The following ERGIC1 variants were observed in gnomAD, a reference collection of about 807,000 sequenced individuals.
The protein encoded by ERGIC1 is endoplasmic reticulum-Golgi intermediate compartment protein 1.
Under a neutral mutation model 38.3 loss-of-function variants are expected in ERGIC1, and 19 were observed. That is an observed-to-expected ratio of 0.50 (90% confidence interval 0.35 to 0.73). The LOEUF is 0.73. ERGIC1 is among the 30% of genes least tolerant of loss of function. The pLI is 0.01. For synonymous variants in ERGIC1, 124 were observed against 157.6 expected, an observed-to-expected ratio of 0.79 and a Z score of 1.60; for missense variants, 294 against 389.2, an observed-to-expected ratio of 0.76 and a Z score of 2.06.
At chr5:172,850,030 T>C (rs894277137) in intron 1 of ERGIC1, among the ~76,000 whole-genome samples, 4 of 152,178 alleles carry the variant, frequency 2.6e-5, no homozygotes, top group Admixed American at 6.5e-5. Context: ...TGATCTAGTG[T>C]TGGGTGTGTC....
chr5:172,938,161 C>A (rs543197337), intron 9 of ERGIC1, among the ~76,000 whole-genome samples: 2 of 152,216 alleles, frequency 1.3e-5, no homozygotes, highest in East Asian at 3.9e-4. Flanking sequence ...GATTTGTGAG[C>A]AAATGATTTA....
At chr5:172,917,036 G>T (rs1415098012) in intron 5 of ERGIC1, 1 of 152,600 alleles carries the variant, frequency 6.6e-6, no homozygotes, top group Non-Finnish European at 1.5e-5. Flanking sequence ...GCAGGCAGTG[G>T]TTGTGGCAGT....
chr5:172,950,030 G>T (rs1024171083), intron 9 of ERGIC1, among the ~76,000 whole-genome samples: 11 of 152,210 alleles, frequency 7.2e-5, no homozygotes, highest in African/African-American at 2.4e-4. Context: ...CTGAGATCAC[G>T]CCACTGCACT....
chr5:172,947,051 G>A (rs1764137611), intron 9 of ERGIC1, among the ~76,000 whole-genome samples: 1 of 151,920 alleles, frequency 6.6e-6, no homozygotes, highest in East Asian at 1.9e-4. Context: ...GGGCATGGTG[G>A]TGGGCACCTG....
At chr5:172,858,323 A>C (rs1761607763) in intron 1 of ERGIC1, among the ~76,000 whole-genome samples, 1 of 152,172 alleles carries the variant, frequency 6.6e-6, no homozygotes. Flanking sequence ...TGCATAAAAC[A>C]CCGTAAGGAG....
intron 3 of ERGIC1, among the ~76,000 whole-genome samples, chr5:172,897,443 A>AAAGAG (rs780361647): frequency 3.4e-4 from 48 of 142,438 alleles, no homozygotes; most frequent in African/African-American, 4.6e-4. Context: ...AAAAAAAAAA[A>AAAGAG]AGAGAGAGAG....
intron 1 of ERGIC1, among the ~76,000 whole-genome samples, chr5:172,836,869 T>C (rs546664779): frequency 6.6e-6 from 1 of 152,332 alleles, no homozygotes; most frequent in East Asian, 1.9e-4. Flanking sequence ...GAGGGAGTTT[T>C]AATCTTCATT....
At position 172,950,700 on chromosome 5, in the gene ERGIC1, C is replaced by T. The variant is rs200374455; in HGVS notation, c.766-9C>T. 582 of 1,609,252 alleles carry T rather than the reference C, an allele frequency of 3.6e-4. No homozygotes were observed. Among genetic ancestry groups the T allele is most frequent in the Non-Finnish European group, 4.4e-4 (517 of 1,176,334 alleles). ...CTGACACTCCCACCCCACCCCTGCC[C>T]TCTTGCAGATCTGTGCCATCATTGG... On this transcript the variant is annotated splice_polypyrimidine_tract_variant and intron_variant, in intron 9 of 9. Coordinates refer to ENST00000393784, the MANE Select transcript of ERGIC1 (RefSeq NM_001031711.3).
chr5:172,863,478 G>A (rs1360513097), intron 1 of ERGIC1, among the ~76,000 whole-genome samples: 5 of 152,028 alleles, frequency 3.3e-5, no homozygotes, highest in African/African-American at 4.8e-5. Flanking sequence ...CCTTCCTGAC[G>A]GCCAGGAGAC....
At chr5:172,914,573 C>G (rs1477335245) in intron 4 of ERGIC1, 141 bp from the exon 5 acceptor site, 1 of 1,390,694 alleles carries the variant, frequency 7.2e-7, no homozygotes, top group Non-Finnish European at 1.0e-6. Context: ...AGTCTTTGGA[C>G]CCCAGACCAT....
chr5:172,905,443 G>C, intron 3 of ERGIC1: 1 of 468,598 alleles, frequency 2.1e-6, no homozygotes, highest in Non-Finnish European at 4.4e-6. Context: ...TTGGCCTCAC[G>C]GATTCCAAGG....
intron 5 of ERGIC1, chr5:172,922,419 C>A: frequency 6.6e-6 from 1 of 152,596 alleles, no homozygotes; most frequent in Non-Finnish European, 1.5e-5. Context: ...AGGAGGCAGA[C>A]GAGAACAGGA....
At chr5:172,945,452 A>G (rs1259363636) in intron 9 of ERGIC1, among the ~76,000 whole-genome samples, 1 of 152,134 alleles carries the variant, frequency 6.6e-6, no homozygotes, top group Non-Finnish European at 1.5e-5. Context: ...CCAGAGAGAG[A>G]ATGGAAGTTG....
At chr5:172,927,218 A>C (rs1459099726) in intron 7 of ERGIC1, 1 of 152,480 alleles carries the variant, frequency 6.6e-6, no homozygotes, top group Non-Finnish European at 1.5e-5. Context: ...TGTGTGCTCA[A>C]GCAGACCTGC....
chr5:172,948,264 A>G (rs1426086233), intron 9 of ERGIC1, among the ~76,000 whole-genome samples: 1 of 152,240 alleles, frequency 6.6e-6, no homozygotes, highest in Non-Finnish European at 1.5e-5. Flanking sequence ...TGGGCCTCAC[A>G]GGCCCCCGCT....
chr5:172,932,117 C>T (rs1195650722), intron 7 of ERGIC1, among the ~76,000 whole-genome samples: 4 of 152,188 alleles, frequency 2.6e-5, no homozygotes, highest in Admixed American at 1.3e-4. Context: ...CCTCGGCCTC[C>T]CAAAGTGCTG....
At chr5:172,892,674 A>C (rs1762598382) in intron 2 of ERGIC1, among the ~76,000 whole-genome samples, 1 of 152,140 alleles carries the variant, frequency 6.6e-6, no homozygotes. Context: ...AAAAACCTTC[A>C]TCAAGCCTTC....
intron 4 of ERGIC1, among the ~76,000 whole-genome samples, chr5:172,912,553 A>G (rs1329018122): frequency 6.6e-6 from 1 of 151,698 alleles, no homozygotes; most frequent in Non-Finnish European, 1.5e-5. Context: ...GTGCCCGGCT[A>G]ATTTTTTGTA....
chr5:172,939,012 G>A (rs992324073), intron 9 of ERGIC1, among the ~76,000 whole-genome samples: 13 of 151,866 alleles, frequency 8.6e-5, no homozygotes, highest in East Asian at 1.9e-4. Flanking sequence ...GCAGTGAGCC[G>A]AGATCACGCC....
Sources: allele counts gnomAD v4.1 joint callset (sites outside exome capture counted in the v4.1 genomes callset), GRCh38; gene constraint gnomAD v4.1.1; transcripts MANE v1.5; gene names NCBI Gene and HGNC (gene_info 2026-07-23, HGNC 2026-07-21).